CAPN8: variants seen among roughly 807,000 people sequenced by gnomAD.
CAPN8 encodes calpain 8.
In CAPN8, 87 loss-of-function variants were observed where a neutral mutation model predicts 80.9. That is an observed-to-expected ratio of 1.07 (90% CI 0.90 to 1.28). The LOEUF is 1.28. Among genes scored for constraint, CAPN8 ranks in the 50% most tolerant of loss-of-function variants. The probability of loss-of-function intolerance (pLI) is 0.00; values close to 1 mark genes in which losing one functional copy is unlikely to be tolerated. For missense variants in CAPN8, 757 were observed against 702.0 expected, an observed-to-expected ratio of 1.08 and a Z score of -0.89; for synonymous variants, 299 against 273.8, an observed-to-expected ratio of 1.09 and a Z score of -0.91.
intron 13 of CAPN8, among the ~76,000 whole-genome samples, chr1:223,557,263 T>G (rs1656925707): frequency 7.2e-5 from 1 of 13,914 alleles, no homozygotes; most frequent in African/African-American, 2.5e-4. Context: ...AATATGTGAT[T>G]TGTATATGTG....
At chr1:223,657,553 G>A (rs1301753206) in intron 1 of CAPN8, among the ~76,000 whole-genome samples, 2 of 152,072 alleles carry the variant, frequency 1.3e-5, no homozygotes, top group Non-Finnish European at 2.9e-5. Context: ...GATCACTTGA[G>A]GTCAGGAGTT....
chr1:223,653,201 G>T (rs1372956581), intron 2 of CAPN8, among the ~76,000 whole-genome samples: 1 of 150,866 alleles, frequency 6.6e-6, no homozygotes, highest in African/African-American at 2.4e-5. Flanking sequence ...CTCGGGAAAT[G>T]GAGGCTGTGG....
chr1:223,660,182 T>C (rs921456954), intron 1 of CAPN8, among the ~76,000 whole-genome samples: 3 of 152,196 alleles, frequency 2.0e-5, no homozygotes, highest in Admixed American at 1.3e-4. Context: ...CATCACTTCA[T>C]TGCTGTCTTG....
chr1:223,628,217 C>T (rs923085628), intron 3 of CAPN8, 75 bp from the exon 4 acceptor site: 47 of 1,443,218 alleles, frequency 3.3e-5, no homozygotes, highest in Non-Finnish European at 3.9e-5. Flanking sequence ...GGGGACCTCA[C>T]GTGGGGACTC....
chr1:223,550,691 A>G (rs1305837393), intron 15 of CAPN8, among the ~76,000 whole-genome samples: 1 of 151,976 alleles, frequency 6.6e-6, no homozygotes. Flanking sequence ...TCAGCCTGCA[A>G]TTTCACTTGA....
chr1:223,630,548 C>T (rs973111493), intron 2 of CAPN8, among the ~76,000 whole-genome samples: 1 of 151,828 alleles, frequency 6.6e-6, no homozygotes, highest in Admixed American at 6.6e-5. Flanking sequence ...GTTGCCCAGG[C>T]TGGTTTTGAA....
rs1287047288 is a variant in CAPN8, at chr1:223,625,392, T to C, written c.813+413A>G. ...CTATTGAGCAAAAGCTCAGAGAGGTTACGTTGTCCATCTTCAAGTGAGTAA... is the reference window on the plus strand; with the variant it reads ...CTATTGAGCAAAAGCTCAGAGAGGTCACGTTGTCCATCTTCAAGTGAGTAA... On this transcript the variant is annotated intron_variant, in intron 6 of 20. Coordinates refer to ENST00000366872, the MANE Select transcript of CAPN8 (RefSeq NM_001143962.2). Among the ~76,000 whole-genome samples, 4 of 152,270 alleles carry C rather than the reference T, an allele frequency of 2.6e-5. No individual in the cohort carries two copies. In the East Asian group the frequency reaches 5.8e-4, roughly 22 times the overall value.
intron 6 of CAPN8, among the ~76,000 whole-genome samples, chr1:223,623,613 G>A (rs956511891): frequency 1.3e-5 from 2 of 152,144 alleles, no homozygotes; most frequent in Non-Finnish European, 1.5e-5. Flanking sequence ...GGTCCTCATT[G>A]TCTTCATTTC....
chr1:223,545,001 A>C, intron 17 of CAPN8, 151 bp from the exon 18 acceptor site: 1 of 1,458,984 alleles, frequency 6.9e-7, no homozygotes, highest in Non-Finnish European at 9.1e-7. Flanking sequence ...CAGAGCAAGC[A>C]TAAGAGCTTG....
In CAPN8 at chr1:223,551,185, C is replaced by T. The variant is rs376832522; in HGVS notation, c.1642-168G>A. Among the ~76,000 whole-genome samples, 332 of 152,104 alleles carry T rather than the reference C, an allele frequency of 2.2e-3. 2 individuals carry two copies. The highest frequency in any genetic ancestry group is 0.013 in the South Asian group (63 of 4,814). ...TTTGAGACAGTCTTACTCTGTCACT[C>T]AAGCTGGAGTGTAGTGCCGCAATCT... is the stretch of plus-strand genomic sequence containing the variant. On this transcript the variant is annotated intron_variant, in intron 14 of 20. Coordinates refer to ENST00000366872, the MANE Select transcript of CAPN8 (RefSeq NM_001143962.2).
In CAPN8 at chr1:223,665,468, T is replaced by C. The variant is rs1658761617; in HGVS notation, c.179A>G (p.Tyr60Cys). 4 of 1,552,114 alleles carry C rather than the reference T, an allele frequency of 2.6e-6. No individual in the cohort carries two copies. The highest frequency in any genetic ancestry group is 2.4e-5 in the South Asian group (2 of 84,056). ...CGGAGAGCCTGGTCCAAGATCCTTGTAGCCCAAAGCTGATGGACATGCTGG... is the reference window on the plus strand; with the variant it reads ...CGGAGAGCCTGGTCCAAGATCCTTGCAGCCCAAAGCTGATGGACATGCTGG... ...EFPACPSALG[Y>C]KDLGPGSPQT... is the part of the protein sequence containing the mutation. Residue 60 changes from tyrosine (Y) to cysteine (C), a missense_variant, in exon 1 of 21, where the codon TAC (tyrosine) becomes TGC (cysteine). By Grantham distance (194) the Tyr-to-Cys change is radical (BLOSUM62 -2). Transcript: ENST00000366872.
At chr1:223,630,171 C>T (rs1657731305) in intron 2 of CAPN8, among the ~76,000 whole-genome samples, 1 of 152,066 alleles carries the variant, frequency 6.6e-6, no homozygotes, top group Admixed American at 6.6e-5. Flanking sequence ...CCTAGAAAGC[C>T]CTGGCCTCTG....
chr1:223,656,675 TGTTTTG>T lies in CAPN8; in HGVS notation c.238-2282_238-2277del, dbSNP rs773350759. Among the ~76,000 whole-genome samples, 90 of 93,996 alleles carry T rather than the reference TGTTTTG, an allele frequency of 9.6e-4. 6 individuals are homozygous for T. The highest frequency in any genetic ancestry group is 1.3e-3 in the South Asian group (3 of 2,396). 61.7% of individuals were successfully genotyped at this position (93,996 alleles called of 152,430 possible). A position where few individuals can be genotyped will look rare whatever the true frequency, so the allele number is the denominator to read the frequency against. On this transcript the variant is annotated intron_variant, in intron 1 of 20. Transcript: ENST00000366872. The stretch of plus-strand genomic sequence containing the variant: ...TACATACACACGTTTTGGGTTTTTT[TGTTTTG>T]TTTTTTTTTTTTTTTTTTTTGAGAC...
At chr1:223,648,382 T>C (rs916260532) in intron 2 of CAPN8, among the ~76,000 whole-genome samples, 5 of 152,208 alleles carry the variant, frequency 3.3e-5, no homozygotes, top group African/African-American at 9.7e-5. Flanking sequence ...CCCTTTATGT[T>C]CCCTGAGGCT....
rs192561898 is a variant in CAPN8 at position 223,633,075 on chromosome 1, A to G, written c.308-4295T>C. ...AGTGTGAGTCTAGCTCTCCAAGGGCATTATTAAAGTTACACTAGCCCTGGG... is the reference window on the plus strand; with the variant it reads ...AGTGTGAGTCTAGCTCTCCAAGGGCGTTATTAAAGTTACACTAGCCCTGGG... On this transcript the variant is annotated intron_variant, in intron 2 of 20. Transcript: ENST00000366872. Among the ~76,000 whole-genome samples the G allele has an allele frequency of 9.0e-4, 137 of 152,342 alleles. 2 individuals carry two copies. Among genetic ancestry groups the G allele is most frequent in the Admixed American group, 8.3e-3 (127 of 15,306 alleles).
At chr1:223,642,737 C>G (rs1658077403) in intron 2 of CAPN8, 1 of 437,074 alleles carries the variant, frequency 2.3e-6, no homozygotes, top group African/African-American at 2.1e-5. Flanking sequence ...AAAAAGCAAG[C>G]AAACTCTTCA....
intron 1 of CAPN8, 93 bp downstream of exon 1, chr1:223,665,317 G>T: frequency 1.0e-6 from 1 of 981,274 alleles, no homozygotes; most frequent in Non-Finnish European, 1.5e-6. Context: ...GACACTTAGG[G>T]TCCACAGCCT....
At chr1:223,659,639 C>A (rs138480283) in intron 1 of CAPN8, among the ~76,000 whole-genome samples, 191 of 152,332 alleles carry the variant, frequency 1.3e-3, no homozygotes, top group Middle Eastern at 6.8e-3. Context: ...ACTGCTTCTT[C>A]CCCTGAACTC....
At chr1:223,629,232 T>TGTGTGTGTGTG (rs68132305) in intron 2 of CAPN8, among the ~76,000 whole-genome samples, 6,235 of 132,496 alleles carry the variant, frequency 0.047, 215 homozygotes, top group African/African-American at 0.078. Context: ...GTGTGTGTGT[T>TGTGTGTGTGTG]TATGTTCCTT....
Sources: allele counts gnomAD v4.1 joint callset (sites outside exome capture counted in the v4.1 genomes callset), GRCh38; gene constraint gnomAD v4.1.1; transcripts MANE v1.5; gene names NCBI Gene and HGNC (gene_info 2026-07-23, HGNC 2026-07-21).